Variants in TG observed in about 807,000 individuals in gnomAD.
TG encodes thyroglobulin, also known as thyroid hormones.
Under a neutral mutation model 324.7 loss-of-function variants are expected in TG, and 270 were observed. The ratio of observed to expected loss-of-function variants is 0.83; its 90% CI spans 0.75 to 0.92. The LOEUF (loss-of-function observed/expected upper bound fraction) is 0.92. Among genes scored for constraint, TG ranks in the 40% least tolerant of loss-of-function variants. TG has a pLI of 0.00. For missense variants in TG, 3,591 were observed against 3,456.4 expected (o/e 1.04, Z -0.98); for synonymous variants, 1,401 against 1,327.0 (o/e 1.06, Z -1.21).
At chr8:133,115,778 T>C (rs1440226842) in intron 44 of TG, among the ~76,000 whole-genome samples, 2 of 152,242 alleles carry the variant, frequency 1.3e-5, no homozygotes, top group African/African-American at 2.4e-5. Context: ...TTGGCCTGGC[T>C]GGGGCCGCCT....
chr8:132,894,636 T>G (rs1260457489), intron 11 of TG, among the ~76,000 whole-genome samples: 1 of 152,154 alleles, frequency 6.6e-6, no homozygotes, highest in East Asian at 1.9e-4. Context: ...TATTTGCACA[T>G]TTTTAGTAGA....
intron 8 of TG, among the ~76,000 whole-genome samples, chr8:132,884,002 A>G (rs1815037022): frequency 6.6e-6 from 1 of 152,052 alleles, no homozygotes; most frequent in Non-Finnish European, 1.5e-5. Context: ...CAATCTGTGC[A>G]TTCTTTGGTT....
In TG at chr8:132,902,740, T is replaced by C. The variant is rs954101153; in HGVS notation, c.3634+1187T>C. Among the ~76,000 whole-genome samples the C allele has an allele frequency of 3.9e-5, 6 of 152,096 alleles. No homozygotes were observed. The East Asian group carries it at 9.7e-4, about 25-fold the overall frequency. Reference sequence around the variant, plus strand: ...ATCCAACTTCCAGGTCATCTAGGAGTGGTCTGCACTGAGACCCAGGACACA... The same window carrying C: ...ATCCAACTTCCAGGTCATCTAGGAGCGGTCTGCACTGAGACCCAGGACACA... On this transcript the variant is annotated intron_variant, in intron 16 of 47. Transcript: ENST00000220616.
intron 41 of TG, among the ~76,000 whole-genome samples, chr8:133,030,429 G>A (rs1749427759): frequency 6.6e-6 from 1 of 152,120 alleles, no homozygotes; most frequent in Non-Finnish European, 1.5e-5. Flanking sequence ...GGAGGATGAT[G>A]GTGGTAATGA....
At chr8:132,975,384 G>T (rs987165722) in intron 34 of TG, among the ~76,000 whole-genome samples, 1 of 152,212 alleles carries the variant, frequency 6.6e-6, no homozygotes, top group African/African-American at 2.4e-5. Context: ...ACAGGAGTTG[G>T]CAGGGGAAGG....
intron 41 of TG, chr8:133,038,322 G>A: frequency 1.7e-6 from 1 of 599,294 alleles, no homozygotes; most frequent in East Asian, 2.8e-5. Context: ...TGATGCCACA[G>A]CCCTGATCAG....
chr8:133,008,505 T>C (rs934656818), intron 35 of TG, among the ~76,000 whole-genome samples: 4 of 150,688 alleles, frequency 2.7e-5, no homozygotes, highest in Non-Finnish European at 5.9e-5. Context: ...AATAGAAAAA[T>C]GAAAAAAAAA....
intron 3 of TG, among the ~76,000 whole-genome samples, chr8:132,870,656 C>T (rs1839403454): frequency 6.6e-6 from 1 of 152,052 alleles, no homozygotes; most frequent in African/African-American, 2.4e-5. Context: ...CACAGCTCTG[C>T]AGGCTGTGCC....
intron 33 of TG, 157 bp from the exon 34 acceptor site, chr8:132,972,441 G>C (rs1444453750): frequency 1.2e-6 from 1 of 837,902 alleles, no homozygotes; most frequent in Non-Finnish European, 1.8e-6. Context: ...CAGGTACCAG[G>C]TTTTTCAGCA....
rs535511095 is a variant in TG at position 132,895,230 on chromosome 8, T to G, written c.3001+1301T>G. Among the ~76,000 whole-genome samples, 6 of 152,354 alleles carry G rather than the reference T, an allele frequency of 3.9e-5. No individual in the cohort carries two copies. In the East Asian group the frequency reaches 5.8e-4, roughly 15 times the overall value. ...TGTCAAATGGTCTCAGCTGATTCCC[T>G]GTCTAGCTTTCTAGGCTTGAGTCAC... On this transcript the variant is annotated intron_variant, in intron 11 of 47. Coordinates refer to ENST00000220616, the MANE Select transcript of TG (RefSeq NM_003235.5).
rs931264611 is a variant in TG, at chr8:132,940,064, G to A, written c.5042-1287G>A. The stretch of plus-strand genomic sequence containing the variant: ...ACAGATGGGAAGCTTGGGAGGCTGA[G>A]GATCCAAGGAATTAGGGACTTCCTT... On this transcript the variant is annotated intron_variant, in intron 25 of 47. Transcript: ENST00000220616. 3.3e-5 allele frequency among the ~76,000 whole-genome samples: 5 copies of A among 152,260 alleles called. No individual in the cohort carries two copies. In the East Asian group the frequency reaches 9.7e-4, roughly 29 times the overall value.
At chr8:133,066,325 C>CAA (rs11395047) in intron 41 of TG, among the ~76,000 whole-genome samples, 23,931 of 86,712 alleles carry the variant, frequency 0.28, 3,742 homozygotes, top group South Asian at 0.33. Context: ...GACTCTGTCT[C>CAA]AAAAAAAAAA....
At chr8:132,979,604 A>G (rs940556395) in intron 34 of TG, among the ~76,000 whole-genome samples, 7 of 152,220 alleles carry the variant, frequency 4.6e-5, no homozygotes, top group Non-Finnish European at 1.0e-4. Context: ...AGCATTTGGC[A>G]TGCAGTATCT....
At chr8:133,084,876 G>A (rs572677463) in intron 41 of TG, among the ~76,000 whole-genome samples, 12 of 152,346 alleles carry the variant, frequency 7.9e-5, no homozygotes, top group Middle Eastern at 3.4e-3. Context: ...GTTGAGTGCA[G>A]ATTCTGTTTG....
intron 6 of TG, 71 bp downstream of exon 6, chr8:132,882,040 T>G: frequency 8.6e-7 from 1 of 1,160,170 alleles, no homozygotes; most frequent in Non-Finnish European, 1.3e-6. Flanking sequence ...CTGGATAACA[T>G]TGCTTGTAAA....
intron 40 of TG, among the ~76,000 whole-genome samples, chr8:133,028,606 C>A (rs1836323639): frequency 6.6e-6 from 1 of 152,170 alleles, no homozygotes; most frequent in African/African-American, 2.4e-5. Flanking sequence ...AGTCAACAAC[C>A]TTATGAGGAA....
rs1815498486 is a variant in TG at position 132,886,883 on chromosome 8, T to G, written c.1511T>G (p.Leu504Arg). 1 of 1,614,072 alleles carries G rather than the reference T, an allele frequency of 6.2e-7. No individual in the cohort carries two copies. The highest frequency in any genetic ancestry group is 1.3e-5 in the African/African-American group (1 of 74,934). ...AACTTCAGTCAATTTTTCCAGCAAC[T>G]TGGTCTTGCAAGCTTCTTGAATGGA... is the stretch of plus-strand genomic sequence containing the variant. ...TFNFSQFFQQ[L>R]GLASFLNGGR... Residue 504 changes from leucine (L) to arginine (R), a missense_variant, in exon 9 of 48, where the codon CTT (leucine) becomes CGT (arginine). Leu to Arg is a moderately radical substitution (Grantham distance 102). Coordinates refer to ENST00000220616, the MANE Select transcript of TG (RefSeq NM_003235.5).
At chr8:132,965,646 C>G (rs974382968) in intron 29 of TG, among the ~76,000 whole-genome samples, 4 of 152,184 alleles carry the variant, frequency 2.6e-5, no homozygotes, top group African/African-American at 9.7e-5. Flanking sequence ...CCCTATAGAA[C>G]CTCTTTATAG....
chr8:132,906,555 A>C, intron 16 of TG, 133 bp from the exon 17 acceptor site: 2 of 1,016,640 alleles, frequency 2.0e-6, no homozygotes, highest in Non-Finnish European at 2.9e-6. Flanking sequence ...AGGCCCTGAG[A>C]GCTTGACAGG....
Sources: gnomAD v4.1 joint callset for allele counts (sites outside exome capture counted in the v4.1 genomes callset) on GRCh38, gnomAD v4.1.1 for gene constraint, MANE v1.5 for transcripts, NCBI Gene and HGNC (gene_info 2026-07-23, HGNC 2026-07-21) for gene names.